VPS13B: variants seen among roughly 807,000 people sequenced by gnomAD.
VPS13B encodes vacuolar protein sorting 13 homolog B.
VPS13B carries 285 observed loss-of-function variants against 426.4 expected under a neutral mutation model. The ratio of observed to expected loss-of-function variants is 0.67; its 90% CI spans 0.61 to 0.74. VPS13B has a LOEUF of 0.74. Ranked by LOEUF, VPS13B falls within the 30% of genes least tolerant of loss-of-function variation. The pLI is 0.00. For missense variants in VPS13B, 4,537 were observed against 4,782.6 expected (o/e 0.95, Z 1.51); for synonymous variants, 1,676 against 1,676.4 (o/e 1.00, Z 0.01).
chr8:99,344,835 T>C (rs1173318133), intron 19 of VPS13B, among the ~76,000 whole-genome samples: 1 of 152,158 alleles, frequency 6.6e-6, no homozygotes, highest in African/African-American at 2.4e-5. Context: ...TAATGAGTTT[T>C]GATGCATGGG....
At position 99,113,564 on chromosome 8, in the gene VPS13B, C is replaced by A. The variant is rs941394382; in HGVS notation, c.763-2136C>A. On this transcript the variant is annotated intron_variant, in intron 6 of 61. Coordinates refer to ENST00000357162, the MANE Select transcript of VPS13B (RefSeq NM_152564.5). The stretch of plus-strand genomic sequence containing the variant: ...TCAAAATGTTCCAGATACTATATTT[C>A]TTTTCTTCTTTTTTTTTGAGACGGA... 2.0e-5 allele frequency among the ~76,000 whole-genome samples: 3 copies of A among 152,014 alleles called. No homozygotes were observed. The East Asian group carries it at 5.8e-4, about 29-fold the overall frequency.
chr8:99,855,531 C>T (rs1477630559), intron 56 of VPS13B, among the ~76,000 whole-genome samples: 3 of 152,232 alleles, frequency 2.0e-5, no homozygotes, highest in Non-Finnish European at 4.4e-5. Context: ...GAACAGCATC[C>T]AGAGTTAGCC....
intron 19 of VPS13B, among the ~76,000 whole-genome samples, chr8:99,318,822 A>T (rs1276566157): frequency 6.6e-6 from 1 of 152,084 alleles, no homozygotes; most frequent in Non-Finnish European, 1.5e-5. Context: ...CACCCGCCCT[A>T]CATGAATTTC....
chr8:99,539,391 T>G (rs1383485939), intron 30 of VPS13B, among the ~76,000 whole-genome samples: 2 of 152,208 alleles, frequency 1.3e-5, no homozygotes, highest in Non-Finnish European at 2.9e-5. Flanking sequence ...TAAATGTGAT[T>G]TATTAATGTC....
chr8:99,673,632 CCTT>C (rs1211669603), intron 35 of VPS13B, among the ~76,000 whole-genome samples: 2 of 151,774 alleles, frequency 1.3e-5, no homozygotes, highest in Non-Finnish European at 2.9e-5. Context: ...TTATTTCCCT[CCTT>C]CTACTAATTT....
chr8:99,835,652 C>T lies in VPS13B; in HGVS notation c.9856C>T (p.Pro3286Ser). The change falls in exon 54 of 62, where the codon CCA becomes TCA. Residue 3286 changes from proline to serine, a missense_variant. This residue lies in a region of VPS13B where 4,311 missense variants were observed against 4,474.3 expected (regional missense o/e 0.96). Transcript: ENST00000357162. ...GGACTGCAAGACCAAAGACTTACTT[C>T]CAAGCCTACTTTTGAGAGTTGAACC... Reference protein sequence around the residue: ...YPDCKTKDLLPSLLLRVEPLD... With the variant: ...YPDCKTKDLLSSLLLRVEPLD... 1 of 1,614,138 alleles carries T rather than the reference C, an allele frequency of 6.2e-7. No homozygotes were observed. Among genetic ancestry groups the T allele is most frequent in the Non-Finnish European group, 8.5e-7 (1 of 1,180,022 alleles).
intron 51 of VPS13B, among the ~76,000 whole-genome samples, chr8:99,831,970 G>A (rs1815088101): frequency 1.3e-5 from 2 of 152,168 alleles, no homozygotes; most frequent in South Asian, 4.2e-4. Context: ...TAGAAGATGT[G>A]CTTTACGGGG....
At chr8:99,568,520 G>A (rs1366354455) in intron 31 of VPS13B, among the ~76,000 whole-genome samples, 2 of 151,872 alleles carry the variant, frequency 1.3e-5, no homozygotes, top group African/African-American at 2.4e-5. Context: ...TGAACTCCAG[G>A]CCTCAGGCAA....
intron 31 of VPS13B, among the ~76,000 whole-genome samples, chr8:99,558,526 GT>G (rs1824711363): frequency 6.6e-6 from 1 of 151,862 alleles, no homozygotes; most frequent in Non-Finnish European, 1.5e-5. Context: ...CATCATTTAC[GT>G]TAGGTATTTC....
At chr8:99,733,746 A>T (rs1032535467) in intron 39 of VPS13B, among the ~76,000 whole-genome samples, 9 of 152,004 alleles carry the variant, frequency 5.9e-5, no homozygotes, top group South Asian at 2.1e-4. Context: ...ATACCTAGTT[A>T]AAAAAAATGA....
intron 51 of VPS13B, among the ~76,000 whole-genome samples, chr8:99,828,341 T>C (rs1814816166): frequency 6.6e-6 from 1 of 151,690 alleles, no homozygotes; most frequent in African/African-American, 2.4e-5. Flanking sequence ...TTGTCTTTTT[T>C]GATCTTTGTT....
chr8:99,491,808 A>G (rs769641196), intron 25 of VPS13B, among the ~76,000 whole-genome samples: 5 of 152,148 alleles, frequency 3.3e-5, no homozygotes, highest in Admixed American at 3.3e-4. Flanking sequence ...GGGTTCGAAC[A>G]TGCTCGTTTT....
At chr8:99,121,933 C>T (rs1043117443) in intron 8 of VPS13B, among the ~76,000 whole-genome samples, 69 of 147,338 alleles carry the variant, frequency 4.7e-4, no homozygotes, top group African/African-American at 1.8e-3. Context: ...CTCAGTGCAA[C>T]CTCTGCCTCC....
At chr8:99,122,517 C>T (rs925906127) in intron 8 of VPS13B, among the ~76,000 whole-genome samples, 1 of 152,052 alleles carries the variant, frequency 6.6e-6, no homozygotes, top group Admixed American at 6.6e-5. Context: ...TAGCTTTGAT[C>T]CCCCATGTGT....
At chr8:99,682,504 C>G (rs1462582705) in intron 35 of VPS13B, among the ~76,000 whole-genome samples, 2 of 152,182 alleles carry the variant, frequency 1.3e-5, no homozygotes. Flanking sequence ...TCTTTTCATT[C>G]TCTTAACACT....
intron 23 of VPS13B, among the ~76,000 whole-genome samples, chr8:99,445,021 A>G (rs1018240629): frequency 1.3e-5 from 2 of 151,906 alleles, no homozygotes; most frequent in African/African-American, 4.8e-5. Flanking sequence ...GTTTCACCAT[A>G]TTGGCCAGGC....
intron 3 of VPS13B, among the ~76,000 whole-genome samples, chr8:99,074,165 C>G (rs1169765055): frequency 6.6e-6 from 1 of 152,082 alleles, no homozygotes; most frequent in African/African-American, 2.4e-5. Flanking sequence ...CAGTTTTTCT[C>G]ATTTCAGTAT....
chr8:99,212,603 A>T (rs534329522), intron 17 of VPS13B, among the ~76,000 whole-genome samples: 14 of 152,224 alleles, frequency 9.2e-5, no homozygotes, highest in Non-Finnish European at 1.9e-4. Context: ...TGTGAATCTC[A>T]GATCTATCTC....
At chr8:99,537,772 G>C (rs1020696484) in intron 30 of VPS13B, among the ~76,000 whole-genome samples, 3 of 152,134 alleles carry the variant, frequency 2.0e-5, no homozygotes, top group African/African-American at 7.2e-5. Context: ...CATGTGTTTG[G>C]TGGTGGCTTT....
Sources: allele counts gnomAD v4.1 joint callset (sites outside exome capture counted in the v4.1 genomes callset), GRCh38; gene constraint gnomAD v4.1.1; regional missense constraint gnomAD v4.1.1; transcripts MANE v1.5; gene names NCBI Gene and HGNC (gene_info 2026-07-23, HGNC 2026-07-21).